Variants in FBXO36 observed in about 807,000 individuals in gnomAD.
FBXO36 encodes F-box protein 36.
In FBXO36, 18 loss-of-function variants were observed where a neutral mutation model predicts 17.0. The observed-to-expected ratio is 1.06, with a 90% CI of 0.73 to 1.57. FBXO36 has a LOEUF of 1.57. FBXO36 is among the 40% of genes most tolerant of loss of function. FBXO36 has a pLI of 0.00. For synonymous variants in FBXO36, 83 were observed against 85.3 expected (o/e 0.97, Z 0.15); for missense variants, 229 against 221.9 (o/e 1.03, Z -0.20).
At chr2:229,945,891 G>A (rs1184446207) in intron 1 of FBXO36, among the ~76,000 whole-genome samples, 7 of 151,592 alleles carry the variant, frequency 4.6e-5, no homozygotes, top group Non-Finnish European at 1.0e-4. Flanking sequence ...GCATGTTGGC[G>A]CATGCCTGTA....
At chr2:229,938,039 C>T (rs961475441) in intron 1 of FBXO36, among the ~76,000 whole-genome samples, 2 of 152,058 alleles carry the variant, frequency 1.3e-5, no homozygotes, top group Non-Finnish European at 2.9e-5. Flanking sequence ...GCGATCTTGG[C>T]TTGCTGCAAC....
Position 230,011,050 on chromosome 2 carries a change from C to G in FBXO36, c.*166C>G. 1 of 722,836 alleles carries G rather than the reference C, an allele frequency of 1.4e-6. No homozygotes were observed. Among genetic ancestry groups the G allele is most frequent in the Non-Finnish European group, 2.2e-6 (1 of 457,344 alleles). The allele number at this position is 722,836 out of a possible 1,614,324, so 44.8% of individuals were successfully genotyped here. A position where few individuals can be genotyped will look rare whatever the true frequency, so the allele number is the denominator to read the frequency against. On this transcript the variant is annotated 3_prime_UTR_variant, in exon 4 of 4. Coordinates refer to ENST00000283946, the MANE Select transcript of FBXO36 (RefSeq NM_174899.5). ...CACAAATGCAGCAGAGTCTGGCTCC[C>G]CAGTGCCTTGCTAGAGTCACCGTCA...
intron 1 of FBXO36, among the ~76,000 whole-genome samples, chr2:229,967,574 G>T (rs1211737989): frequency 1.3e-5 from 2 of 152,160 alleles, no homozygotes; most frequent in African/African-American, 4.8e-5. Context: ...TTTATTGAGA[G>T]TTTTTAGCAT....
chr2:229,930,753 C>G (rs2076934728), intron 1 of FBXO36, among the ~76,000 whole-genome samples: 1 of 151,962 alleles, frequency 6.6e-6, no homozygotes, highest in Non-Finnish European at 1.5e-5. Context: ...CGTCTCAAAA[C>G]AAAAACAAAA....
rs1351690677 is a variant in FBXO36 at position 229,931,921 on chromosome 2, T to TA, written c.96+9312_96+9313insA. 6.3e-3 allele frequency among the ~76,000 whole-genome samples: 901 copies of TA among 142,434 alleles called. 5 individuals carry two copies. The highest frequency in any genetic ancestry group is 0.023 in the African/African-American group (844 of 36,398). The allele number at this position is 142,434 out of a possible 152,430, so 93.4% of individuals were successfully genotyped here. On this transcript the variant is annotated intron_variant, in intron 1 of 3. Coordinates refer to ENST00000283946, the MANE Select transcript of FBXO36 (RefSeq NM_174899.5). ...TTTTTTGCTTGTATATGTGTATATA[T>TA]TTTTTTTTTTTTTTAGACAGGGTCT...
chr2:229,942,067 G>C (rs186210487), intron 1 of FBXO36, among the ~76,000 whole-genome samples: 185 of 152,188 alleles, frequency 1.2e-3, no homozygotes, highest in Admixed American at 2.2e-3. Context: ...GTAAGACTGC[G>C]TGTCCTAACC....
intron 2 of FBXO36, among the ~76,000 whole-genome samples, chr2:229,980,772 G>A (rs1263387542): frequency 6.6e-6 from 1 of 152,124 alleles, no homozygotes; most frequent in Non-Finnish European, 1.5e-5. Context: ...TGGACAGCAG[G>A]AGAGTTGAGG....
chr2:229,939,113 G>GC (rs2076983504), intron 1 of FBXO36: 3 of 282,144 alleles, frequency 1.1e-5, no homozygotes, highest in Non-Finnish European at 1.6e-5. Context: ...GAGTGCAATG[G>GC]CGCCATCTTG....
chr2:229,984,725 A>G (rs1333562838), intron 2 of FBXO36, among the ~76,000 whole-genome samples: 1 of 151,930 alleles, frequency 6.6e-6, no homozygotes, highest in African/African-American at 2.4e-5. Flanking sequence ...CTCTTCATAT[A>G]TTATGATTAT....
chr2:229,988,830 T>TTTTTTTTTTTTG (rs1491025409), intron 2 of FBXO36, among the ~76,000 whole-genome samples: 10 of 72,066 alleles, frequency 1.4e-4, no homozygotes, highest in Non-Finnish European at 2.7e-4. Flanking sequence ...GCTGGCCTGT[T>TTTTTTTTTTTTG]TTTTTTTTTT....
At chr2:229,924,925 C>A in intron 1 of FBXO36, among the ~76,000 whole-genome samples, 1 of 152,120 alleles carries the variant, frequency 6.6e-6, no homozygotes, top group Middle Eastern at 3.4e-3. Flanking sequence ...CCCGCCACCA[C>A]GCCCGGCTAA....
At chr2:229,980,548 C>T (rs1269895839) in intron 2 of FBXO36, among the ~76,000 whole-genome samples, 1 of 152,012 alleles carries the variant, frequency 6.6e-6, no homozygotes, top group East Asian at 1.9e-4. Context: ...ACTTGCAGAC[C>T]TCACCAGTCT....
chr2:229,948,699 C>A (rs928346481), intron 1 of FBXO36, among the ~76,000 whole-genome samples: 1 of 152,162 alleles, frequency 6.6e-6, no homozygotes, highest in Non-Finnish European at 1.5e-5. Context: ...AATGCAGATT[C>A]TGTGGCTAGG....
intron 2 of FBXO36, among the ~76,000 whole-genome samples, chr2:229,992,307 G>A (rs962925769): frequency 2.6e-5 from 4 of 151,824 alleles, no homozygotes; most frequent in South Asian, 2.1e-4. Context: ...ACAGGTGCCC[G>A]CCTCCATGCC....
chr2:229,956,181 A>G (rs2106177523), intron 1 of FBXO36, among the ~76,000 whole-genome samples: 1 of 152,344 alleles, frequency 6.6e-6, no homozygotes, highest in Middle Eastern at 3.4e-3. Context: ...AACAATAGAA[A>G]TGTATTTTCT....
At chr2:229,947,497 C>A (rs945010473) in intron 1 of FBXO36, among the ~76,000 whole-genome samples, 1 of 152,138 alleles carries the variant, frequency 6.6e-6, no homozygotes, top group South Asian at 2.1e-4. Flanking sequence ...AGGATTTGGG[C>A]CATGGGGAAG....
chr2:229,945,368 G>A (rs184902334), intron 1 of FBXO36, among the ~76,000 whole-genome samples: 13 of 152,128 alleles, frequency 8.5e-5, no homozygotes, highest in Non-Finnish European at 1.6e-4. Context: ...GTGCAGTGGC[G>A]CAATCTCGGC....
chr2:229,924,657 A>G (rs1189384508), intron 1 of FBXO36, among the ~76,000 whole-genome samples: 1 of 152,050 alleles, frequency 6.6e-6, no homozygotes, highest in African/African-American at 2.4e-5. Flanking sequence ...TTAGTAAATT[A>G]TCCTTAGGAG....
At chr2:230,009,219 G>T (rs2077402296) in intron 3 of FBXO36, among the ~76,000 whole-genome samples, 2 of 152,134 alleles carry the variant, frequency 1.3e-5, no homozygotes, top group South Asian at 2.1e-4. Context: ...GCCAGGGCTG[G>T]TGCTGTTTGG....
Sources: gnomAD v4.1 joint callset for allele counts (sites outside exome capture counted in the v4.1 genomes callset) on GRCh38, gnomAD v4.1.1 for gene constraint, MANE v1.5 for transcripts, NCBI Gene and HGNC (gene_info 2026-07-23, HGNC 2026-07-21) for gene names.